Variants in PDE3B observed in about 807,000 individuals in gnomAD.
PDE3B encodes cGMP-inhibited 3',5'-cyclic phosphodiesterase 3B.
In PDE3B, 66 loss-of-function variants were observed where a neutral mutation model predicts 116.8. The observed-to-expected ratio is 0.56, with a 90% CI of 0.46 to 0.69. The LOEUF (loss-of-function observed/expected upper bound fraction) is 0.69. Ranked by LOEUF, PDE3B falls within the 30% of genes least tolerant of loss-of-function variation. The pLI, the probability that PDE3B is intolerant of heterozygous loss-of-function variation, is 0.00. For synonymous variants in PDE3B, 595 were observed against 533.6 expected, an observed-to-expected ratio of 1.12 and a Z score of -1.59; for missense variants, 1,384 against 1,368.1, an observed-to-expected ratio of 1.01 and a Z score of -0.18.
chr11:14,667,822 A>G (rs1854224180), intron 1 of PDE3B, among the ~76,000 whole-genome samples: 1 of 138,676 alleles, frequency 7.2e-6, no homozygotes, highest in Non-Finnish European at 1.5e-5. Flanking sequence ...CATGTACCCT[A>G]AAACTTAAAG....
chr11:14,884,074 C>G, the PDE3B span, among the ~76,000 whole-genome samples: 1 of 152,076 alleles, frequency 6.6e-6, no homozygotes, highest in South Asian at 2.1e-4. Context: ...TACTTTTACA[C>G]TGTTGGTGGG....
chr11:14,891,224 G>A, the PDE3B span: 1 of 985,222 alleles, frequency 1.0e-6, no homozygotes, highest in South Asian at 4.7e-5. Context: ...TCCGCAGAAT[G>A]AGGAGGAGCG....
intron 1 of PDE3B, among the ~76,000 whole-genome samples, chr11:14,727,106 A>G (rs971883235): frequency 2.6e-5 from 4 of 151,990 alleles, no homozygotes; most frequent in Non-Finnish European, 5.9e-5. Flanking sequence ...TTCTTCTTTA[A>G]TTTCATTAGA....
intron 1 of PDE3B, among the ~76,000 whole-genome samples, chr11:14,733,023 G>A (rs1013739990): frequency 6.6e-6 from 1 of 152,032 alleles, no homozygotes; most frequent in East Asian, 1.9e-4. Context: ...ACTTAAAAAC[G>A]TATATGAAAA....
the PDE3B span, chr11:14,886,234 CTT>C: frequency 1.1e-5 from 3 of 280,962 alleles, no homozygotes; most frequent in Non-Finnish European, 2.0e-5. Flanking sequence ...GAGCAGAACA[CTT>C]AACCTATCTG....
chr11:14,859,829 G>C (rs1555006808), intron 13 of PDE3B, among the ~76,000 whole-genome samples: 1 of 152,132 alleles, frequency 6.6e-6, no homozygotes, highest in Non-Finnish European at 1.5e-5. Context: ...TATTCACCAG[G>C]GGATCAAGAA....
chr11:14,873,965 T>G (rs1474201455), downstream of PDE3B, among the ~76,000 whole-genome samples: 5 of 152,142 alleles, frequency 3.3e-5, no homozygotes, highest in African/African-American at 1.2e-4. Flanking sequence ...GGAGGGTGGA[T>G]CTCTTAAGCT....
the PDE3B span, chr11:14,891,630 G>A: frequency 9.1e-7 from 1 of 1,095,668 alleles, no homozygotes; most frequent in African/African-American, 1.7e-5. Context: ...GCCCGCACCT[G>A]AGGGCATGCG....
intron 1 of PDE3B, among the ~76,000 whole-genome samples, chr11:14,678,728 A>G (rs1052509315): frequency 1.3e-5 from 2 of 152,188 alleles, no homozygotes; most frequent in Non-Finnish European, 2.9e-5. Context: ...TCTATGAACA[A>G]TGTCTTTCAG....
chr11:14,691,777 CAG>C (rs1366255383), intron 1 of PDE3B, among the ~76,000 whole-genome samples: 1 of 152,050 alleles, frequency 6.6e-6, no homozygotes, highest in East Asian at 1.9e-4. Flanking sequence ...AGTAAGGCGA[CAG>C]AGAGTTGTAT....
chr11:14,865,663 G>C (rs1411283062), intron 14 of PDE3B, among the ~76,000 whole-genome samples: 1 of 151,830 alleles, frequency 6.6e-6, no homozygotes, highest in Non-Finnish European at 1.5e-5. Context: ...TTTAATTTCG[G>C]GTAGTAAATG....
Position 14,851,007 on chromosome 11 carries a change from T to C in PDE3B, c.2520+6981T>C, listed in dbSNP as rs1265468457. On this transcript the variant is annotated intron_variant, in intron 12 of 15. Coordinates refer to ENST00000282096, the MANE Select transcript of PDE3B (RefSeq NM_000922.4). ...TTTTTTTTTTTTTTTTTTTTTTTAG[T>C]AGAGACGGGGTTTCACTGTGTTAGC... Among the ~76,000 whole-genome samples the C allele has an allele frequency of 1.4e-4, 20 of 143,980 alleles. No homozygotes were observed. The East Asian group carries it at 3.7e-3, about 26-fold the overall frequency. 94.5% of individuals were successfully genotyped at this position (143,980 alleles called of 152,430 possible).
intron 3 of PDE3B, among the ~76,000 whole-genome samples, chr11:14,788,584 G>A (rs1045798220): frequency 7.9e-5 from 12 of 152,042 alleles, no homozygotes; most frequent in African/African-American, 9.6e-5. Context: ...GGTTAGTTGA[G>A]AATATTTTTT....
intron 14 of PDE3B, among the ~76,000 whole-genome samples, chr11:14,862,852 A>G (rs1197519714): frequency 2.0e-5 from 3 of 152,292 alleles, no homozygotes; most frequent in African/African-American, 7.2e-5. Flanking sequence ...GATTACAGAC[A>G]TAAGCCACTG....
intron 1 of PDE3B, among the ~76,000 whole-genome samples, chr11:14,658,160 A>G (rs1469451415): frequency 6.6e-6 from 1 of 152,162 alleles, no homozygotes; most frequent in Non-Finnish European, 1.5e-5. Context: ...CTTACCAGTC[A>G]GGTAAGTCAC....
At chr11:14,850,158 A>G (rs1288995458) in intron 12 of PDE3B, among the ~76,000 whole-genome samples, 2 of 151,994 alleles carry the variant, frequency 1.3e-5, no homozygotes, top group African/African-American at 2.4e-5. Context: ...CTATGCAGCC[A>G]TAAAAAAGGA....
chr11:14,663,221 G>A (rs1220498066), intron 1 of PDE3B, among the ~76,000 whole-genome samples: 1 of 152,036 alleles, frequency 6.6e-6, no homozygotes, highest in Non-Finnish European at 1.5e-5. Context: ...CTTCATAAGT[G>A]AAGGAGAAAT....
chr11:14,731,351 C>T (rs1010809509), intron 1 of PDE3B, among the ~76,000 whole-genome samples: 2 of 151,204 alleles, frequency 1.3e-5, no homozygotes, highest in African/African-American at 4.9e-5. Context: ...TTCCGCGTCC[C>T]GAGTTCACGC....
Position 14,669,450 on chromosome 11 carries a change from A to G in PDE3B, c.978+24397A>G, listed in dbSNP as rs377548724. Among the ~76,000 whole-genome samples, 4 of 152,178 alleles carry G rather than the reference A, an allele frequency of 2.6e-5. No homozygotes were observed. The East Asian group carries it at 5.8e-4, about 22-fold the overall frequency. ...GAATGGATCTGGAGGGGCAAATGAA[A>G]TATTCGTAACACTACCTTTTTTTAA... On this transcript the variant is annotated intron_variant, in intron 1 of 15. Coordinates refer to ENST00000282096, the MANE Select transcript of PDE3B (RefSeq NM_000922.4).
Sources: gnomAD v4.1 joint callset for allele counts (sites outside exome capture counted in the v4.1 genomes callset) on GRCh38, gnomAD v4.1.1 for gene constraint, MANE v1.5 for transcripts, NCBI Gene and HGNC (gene_info 2026-07-23, HGNC 2026-07-21) for gene names.